Variants in WIPF1 observed in about 807,000 individuals in gnomAD.
The protein encoded by WIPF1 is WAS/WASL interacting protein family member 1.
In WIPF1, 13 loss-of-function variants were observed where a neutral mutation model predicts 35.4. The observed-to-expected ratio is 0.37, with a 90% CI of 0.24 to 0.58. WIPF1 has a LOEUF of 0.58. Ranked by LOEUF, WIPF1 falls within the 20% of genes least tolerant of loss-of-function variation. The pLI is 0.74. For missense variants in WIPF1, 591 were observed against 667.0 expected, an observed-to-expected ratio of 0.89 and a Z score of 1.25; for synonymous variants, 267 against 266.3, an observed-to-expected ratio of 1.00 and a Z score of -0.02.
In WIPF1 at chr2:174,590,192, A is replaced by G. The variant is rs1209975756; in HGVS notation, c.-38-4581T>C. On this transcript the variant is annotated intron_variant, in intron 1 of 7. Coordinates refer to ENST00000679041, the MANE Select transcript of WIPF1 (RefSeq NM_001375834.1). The surrounding 1 kb of genome is among the most constrained non-coding windows in gnomAD (Gnocchi z 4.6). The stretch of plus-strand genomic sequence containing the variant: ...CTTGGTCAGGCAAATTTGGTTCTGA[A>G]TCCTTGCTCTGCCACCTGGCAGATT... 6.6e-6 allele frequency among the ~76,000 whole-genome samples: 1 copy of G among 152,236 alleles called. No individual in the cohort carries two copies. The highest frequency in any genetic ancestry group is 1.9e-4 in the East Asian group (1 of 5,200).
chr2:174,569,245 A>G (rs1684758067), intron 5 of WIPF1, among the ~76,000 whole-genome samples: 1 of 152,198 alleles, frequency 6.6e-6, no homozygotes, highest in African/African-American at 2.4e-5. Context: ...CCTGACAGAA[A>G]GTCTTGGCTC....
intron 1 of WIPF1, among the ~76,000 whole-genome samples, chr2:174,659,870 T>G (rs1277763880): frequency 6.6e-6 from 1 of 152,226 alleles, no homozygotes; most frequent in South Asian, 2.1e-4. Flanking sequence ...AAGCAGTGCC[T>G]TTCCACCGTG....
intron 1 of WIPF1, among the ~76,000 whole-genome samples, chr2:174,585,880 G>A (rs972479562): frequency 5.9e-5 from 9 of 152,168 alleles, no homozygotes; most frequent in African/African-American, 2.2e-4. Context: ...GGCCATGACC[G>A]ACCCAGGTGG....
intron 1 of WIPF1, among the ~76,000 whole-genome samples, chr2:174,595,371 T>A (rs1286645291): frequency 6.6e-6 from 1 of 151,340 alleles, no homozygotes; most frequent in Admixed American, 6.6e-5. Flanking sequence ...AAGCTGCACT[T>A]GTGAAAAAAA....
chr2:174,568,128 T>C (rs543519687), intron 5 of WIPF1, 55 bp from the exon 6 acceptor site: 1 of 1,542,126 alleles, frequency 6.5e-7, no homozygotes, highest in East Asian at 2.3e-5. Context: ...TCCATTACCG[T>C]GGTCACCATT....
intron 7 of WIPF1, chr2:174,566,011 G>A (rs1183003539): frequency 6.6e-6 from 1 of 152,064 alleles, no homozygotes; most frequent in Non-Finnish European, 1.5e-5. Context: ...AGCCTCCTGA[G>A]TAGCTGGGAT....
In WIPF1 at chr2:174,581,158, C is replaced by A. The variant is rs1016508040; in HGVS notation, c.181+152G>T. The A allele has an allele frequency of 8.2e-6, 9 of 1,098,298 alleles. No homozygotes were observed. The African/African-American group carries it at 1.4e-4, about 17-fold the overall frequency. The allele number at this position is 1,098,298 out of a possible 1,614,324, so 68.0% of individuals were successfully genotyped here. ...GGGGAACCCAAGCCAAAGCTGCGGC[C>A]TACAGGGAGTGATACAGTCCCTTAT... On this transcript the variant is annotated intron_variant, in intron 3 of 7. Transcript: ENST00000679041.
intron 1 of WIPF1, among the ~76,000 whole-genome samples, chr2:174,643,498 C>T (rs564644960): frequency 2.7e-5 from 4 of 149,028 alleles, no homozygotes; most frequent in South Asian, 4.2e-4. Flanking sequence ...CTGCAACCTC[C>T]GCCTCCTGGG....
intron 1 of WIPF1, among the ~76,000 whole-genome samples, chr2:174,636,055 T>C (rs1244758321): frequency 6.6e-6 from 1 of 152,252 alleles, no homozygotes; most frequent in Non-Finnish European, 1.5e-5. Context: ...ATAGTAGACA[T>C]GGCATTAACT....
chr2:174,581,182 A>G, intron 3 of WIPF1, 128 bp downstream of exon 3: 2 of 1,375,898 alleles, frequency 1.5e-6, no homozygotes, highest in Non-Finnish European at 2.0e-6. Flanking sequence ...ACAGTCCCTT[A>G]TTTTGCTAGC....
Position 174,571,956 on chromosome 2 carries a change from G to A in WIPF1, c.849C>T (p.Pro283=), listed in dbSNP as rs1684868523. 1.9e-6 allele frequency: 3 copies of A among 1,574,632 alleles called. No individual in the cohort carries two copies. The highest frequency in any genetic ancestry group is 2.6e-6 in the Non-Finnish European group (3 of 1,161,614). The change falls in exon 5 of 8, where the codon CCC becomes CCT. Residue 283 remains proline (P), a synonymous_variant. Transcript: ENST00000679041. This position sits in a 1 kb window ranked among gnomAD's most constrained non-coding sequence, Gnocchi z 4.6. Reference sequence around the variant, plus strand: ...GCTTGTTGTTCTGAGGAGGAGGAGGGGGAACCGCTTCCCTGTGGATGGAGG... The same window carrying A: ...GCTTGTTGTTCTGAGGAGGAGGAGGAGGAACCGCTTCCCTGTGGATGGAGG... ...NRPSIHREAV[P]PPPPQNNKPP...
intron 1 of WIPF1, among the ~76,000 whole-genome samples, chr2:174,606,695 A>C (rs1275273114): frequency 6.6e-6 from 1 of 152,194 alleles, no homozygotes; most frequent in Non-Finnish European, 1.5e-5. Flanking sequence ...CAAGGAATTG[A>C]CTAGGTATTG....
rs149657377 is a variant in WIPF1, at chr2:174,681,913, C to G, written c.-39+861G>C. Among the ~76,000 whole-genome samples, 743 of 152,306 alleles carry G rather than the reference C, an allele frequency of 4.9e-3. 4 individuals are homozygous for G. Among genetic ancestry groups the G allele is most frequent in the Middle Eastern group, 0.017 (5 of 294 alleles). On this transcript the variant is annotated intron_variant, in intron 1 of 8. Transcript: ENST00000272746. Reference sequence around the variant, plus strand: ...CACACAGCCACACCCTTTGTTAATCCCAAAGAGCTCAAAGTCTAACCAACC... The same window carrying G: ...CACACAGCCACACCCTTTGTTAATCGCAAAGAGCTCAAAGTCTAACCAACC...
intron 1 of WIPF1, among the ~76,000 whole-genome samples, chr2:174,609,105 G>A (rs374441721): frequency 3.9e-5 from 6 of 152,112 alleles, no homozygotes; most frequent in Admixed American, 3.3e-4. Context: ...GTAAATGGTG[G>A]GCATTTGTGA....
intron 1 of WIPF1, among the ~76,000 whole-genome samples, chr2:174,623,742 G>A (rs1686745730): frequency 6.6e-6 from 1 of 152,162 alleles, no homozygotes; most frequent in Non-Finnish European, 1.5e-5. Context: ...TCATTTTGTG[G>A]CAGGCAGCTT....
At position 174,559,958 on chromosome 2, in the gene WIPF1, G is replaced by A. The variant is rs1684441928; in HGVS notation, c.*2589C>T. 1 of 152,386 alleles carries A rather than the reference G, an allele frequency of 6.6e-6. No individual in the cohort carries two copies. The highest frequency in any genetic ancestry group is 1.5e-5 in the Non-Finnish European group (1 of 67,976). The allele number at this position is 152,386 out of a possible 1,614,324, so 9.4% of individuals were successfully genotyped here. A position where few individuals can be genotyped will look rare whatever the true frequency, so the allele number is the denominator to read the frequency against. On this transcript the variant is annotated 3_prime_UTR_variant, in exon 8 of 8. Transcript: ENST00000679041. Reference sequence around the variant, plus strand: ...CACCATTGGATTAAACATTTCTCCTGGCTTTTACTAAATAAAATGCATAGT... The same window carrying A: ...CACCATTGGATTAAACATTTCTCCTAGCTTTTACTAAATAAAATGCATAGT...
chr2:174,666,667 G>C (rs993159446), intron 1 of WIPF1, among the ~76,000 whole-genome samples: 1 of 152,240 alleles, frequency 6.6e-6, no homozygotes, highest in East Asian at 1.9e-4. Flanking sequence ...CACTAAGAAG[G>C]AGAGCTGGAA....
rs77346261 is a variant in WIPF1 at position 174,567,841 on chromosome 2, G to T, written c.1342+20C>A. ...TTTAGTTGCTGCCCTATAGCCCAGG[G>T]AGCTGGGACCACACCTCACCTTCAC... On this transcript the variant is annotated intron_variant, in intron 6 of 7. Transcript: ENST00000679041. 17 of 1,544,634 alleles carry T rather than the reference G, an allele frequency of 1.1e-5. No individual in the cohort carries two copies. The East Asian group carries it at 3.2e-4, about 29-fold the overall frequency.
Position 174,568,113 on chromosome 2 carries a change from C to T in WIPF1, c.1130-40G>A, listed in dbSNP as rs954688051. 12 of 1,584,032 alleles carry T rather than the reference C, an allele frequency of 7.6e-6. No individual in the cohort carries two copies. The Admixed American group carries it at 1.9e-4, about 26-fold the overall frequency. ...GACACTTAGTGCAGAACCTTACATC[C>T]ACATTCCATTACCGTGGTCACCATT... On this transcript the variant is annotated intron_variant, in intron 5 of 7. Transcript: ENST00000679041.
Sources: allele counts gnomAD v4.1 joint callset (sites outside exome capture counted in the v4.1 genomes callset), GRCh38; gene constraint gnomAD v4.1.1; non-coding constraint Gnocchi (gnomAD v3.1); transcripts MANE v1.5; gene names NCBI Gene and HGNC (gene_info 2026-07-23, HGNC 2026-07-21).